The following KTN1 variants were observed in gnomAD, a reference collection of about 807,000 sequenced individuals.
The protein encoded by KTN1 is kinectin.
Under a neutral mutation model 222.5 loss-of-function variants are expected in KTN1, and 130 were observed. That is an observed-to-expected ratio of 0.58 (90% CI 0.51 to 0.68). The LOEUF (loss-of-function observed/expected upper bound fraction) is 0.68, where lower values mean the gene tolerates loss of function less well. Among genes scored for constraint, KTN1 ranks in the 30% least tolerant of loss-of-function variants. The pLI, the probability that KTN1 is intolerant of heterozygous loss-of-function variation, is 0.00. For synonymous variants in KTN1, 512 were observed against 496.3 expected (o/e 1.03, Z -0.42); for missense variants, 1,508 against 1,500.4 (o/e 1.01, Z -0.08).
chr14:55,647,548 A>G (rs11158046), intron 19 of KTN1, among the ~76,000 whole-genome samples: 147,770 of 149,128 alleles, frequency 0.99, 73,227 homozygotes, highest in Non-Finnish European at 1. Context: ...CAGGAGAATC[A>G]CTTGAACCTG....
chr14:55,629,882 C>G, intron 6 of KTN1, 75 bp from the exon 7 acceptor site: 1 of 924,026 alleles, frequency 1.1e-6, no homozygotes, highest in Admixed American at 2.2e-5. Flanking sequence ...TAAATAACAT[C>G]ATTGTTTATC....
intron 2 of KTN1, among the ~76,000 whole-genome samples, chr14:55,615,202 G>A (rs1163612280): frequency 6.6e-6 from 1 of 152,190 alleles, no homozygotes; most frequent in Non-Finnish European, 1.5e-5. Flanking sequence ...ATTACAGCAT[G>A]AAATTTACTA....
intron 5 of KTN1, among the ~76,000 whole-genome samples, chr14:55,620,416 C>T (rs556836242): frequency 6.6e-6 from 1 of 152,320 alleles, no homozygotes; most frequent in South Asian, 2.1e-4. Flanking sequence ...GTTTCAACCT[C>T]ACATTTCCCT....
chr14:55,625,327 A>T (rs2039673622), intron 5 of KTN1, among the ~76,000 whole-genome samples: 1 of 152,164 alleles, frequency 6.6e-6, no homozygotes. Context: ...TTAATTATTA[A>T]TTTTTTATCA....
At chr14:55,628,149 T>G (rs2040082800) in intron 6 of KTN1, 121 bp downstream of exon 6, 19 of 640,002 alleles carry the variant, frequency 3.0e-5, no homozygotes, top group Middle Eastern at 3.4e-4. Flanking sequence ...AAAGTAACTT[T>G]CCTTTAGAGT....
At chr14:55,639,535 T>C (rs2041544468) in intron 13 of KTN1, among the ~76,000 whole-genome samples, 1 of 151,712 alleles carries the variant, frequency 6.6e-6, no homozygotes, top group Non-Finnish European at 1.5e-5. Flanking sequence ...AAATTAGTTT[T>C]TGTGTCTTAT....
At chr14:55,603,907 C>T (rs1594786261) in intron 1 of KTN1, among the ~76,000 whole-genome samples, 1 of 152,174 alleles carries the variant, frequency 6.6e-6, no homozygotes, top group Non-Finnish European at 1.5e-5. Context: ...CTCTCGTACC[C>T]CACATCCAGT....
In KTN1 at chr14:55,612,265, C is replaced by T; in HGVS notation, c.217C>T (p.His73Tyr). The change falls in exon 2 of 44, where the codon CAT (histidine) becomes TAT (tyrosine). Residue 73 changes from histidine to tyrosine, a missense_variant. Coordinates refer to ENST00000395314, the MANE Select transcript of KTN1 (RefSeq NM_001079521.2). ...KKKEIQNGNL[H>Y]ESDSESVPRD... ...GAAAGAAATCCAGAATGGAAACCTC[C>T]ATGAATCCGACTCTGAGAGTGTACC... 1.3e-6 allele frequency: 2 copies of T among 1,598,238 alleles called. No individual in the cohort carries two copies. The highest frequency in any genetic ancestry group is 1.7e-6 in the Non-Finnish European group (2 of 1,176,242).
intron 20 of KTN1, 77 bp from the exon 21 acceptor site, chr14:55,648,725 A>C: frequency 1.1e-6 from 1 of 943,834 alleles, no homozygotes; most frequent in African/African-American, 1.6e-5. Context: ...TAAAGAAATG[A>C]GAAACTAATG....
In KTN1 at chr14:55,650,179, C is replaced by T. The variant is rs759527526; in HGVS notation, c.2406-149C>T. ...TCTGTTAGGAGGAGCTTTATGTTCA[C>T]CCTGGCCATTCTACAAAGACATGTT... On this transcript the variant is annotated intron_variant, in intron 22 of 43. Transcript: ENST00000395314. 1.5e-5 allele frequency: 10 copies of T among 650,366 alleles called. No homozygotes were observed. The Admixed American group carries it at 1.7e-4, about 11-fold the overall frequency. 40.3% of individuals were successfully genotyped at this position (650,366 alleles called of 1,614,324 possible). A position where few individuals can be genotyped will look rare whatever the true frequency, so the allele number is the denominator to read the frequency against.
intron 1 of KTN1, among the ~76,000 whole-genome samples, chr14:55,608,646 CAG>C (rs1397065352): frequency 7.0e-6 from 1 of 142,694 alleles, no homozygotes; most frequent in East Asian, 2.1e-4. Flanking sequence ...TTTTTTGAGA[CAG>C]AGTCTCGCCC....
intron 18 of KTN1, chr14:55,644,375 C>T (rs1303272112): frequency 4.3e-6 from 3 of 701,972 alleles, no homozygotes; most frequent in Non-Finnish European, 7.8e-6. Flanking sequence ...CGTATAAAAG[C>T]AGAAACCAAT....
rs368596645 is a variant in KTN1, at chr14:55,598,528, A to G, written c.-30-13491A>G. Among the ~76,000 whole-genome samples, 5 of 151,130 alleles carry G rather than the reference A, an allele frequency of 3.3e-5. No individual in the cohort carries two copies. In the East Asian group the frequency reaches 5.8e-4, roughly 18 times the overall value. On this transcript the variant is annotated intron_variant, in intron 1 of 43. Transcript: ENST00000395314. ...ATTAAAAAAAAAAATTACATTCTGGATTAGTAAATTTCATATAAAGTCTGA... is the reference window on the plus strand; with the variant it reads ...ATTAAAAAAAAAAATTACATTCTGGGTTAGTAAATTTCATATAAAGTCTGA...
At chr14:55,624,505 T>TTAA (rs566183989) in intron 5 of KTN1, among the ~76,000 whole-genome samples, 8 of 152,342 alleles carry the variant, frequency 5.3e-5, no homozygotes, top group Admixed American at 3.3e-4. Context: ...AGGCATCCCT[T>TTAA]GTGCCATTTA....
chr14:55,647,633 C>CAAA (rs35742930), intron 19 of KTN1, among the ~76,000 whole-genome samples: 25 of 33,012 alleles, frequency 7.6e-4, no homozygotes, highest in African/African-American at 2.9e-3. Context: ...AACTCTGCCT[C>CAAA]AAAAAAAAAA....
intron 2 of KTN1, among the ~76,000 whole-genome samples, chr14:55,615,696 T>C (rs565055056): frequency 6.6e-6 from 1 of 152,280 alleles, no homozygotes; most frequent in Admixed American, 6.5e-5. Flanking sequence ...GAGGAATGAT[T>C]GGTAGAAAAG....
In KTN1 at chr14:55,613,749, G is replaced by A. The variant is rs1209053660; in HGVS notation, c.523+1178G>A. The stretch of plus-strand genomic sequence containing the variant: ...CTCACAAAGTGCTGAAATTACAGGC[G>A]TGAGCCACCACGCTTGACCCGGTTG... On this transcript the variant is annotated intron_variant, in intron 2 of 43. Transcript: ENST00000395314. 3.9e-5 allele frequency among the ~76,000 whole-genome samples: 6 copies of A among 152,062 alleles called. No individual in the cohort carries two copies. In the South Asian group the frequency reaches 1.0e-3, roughly 26 times the overall value.
intron 18 of KTN1, among the ~76,000 whole-genome samples, chr14:55,646,366 C>G (rs1216381647): frequency 6.6e-6 from 1 of 151,300 alleles, no homozygotes; most frequent in African/African-American, 2.4e-5. Context: ...GAAAAAAAAT[C>G]AATTAAAAGA....
chr14:55,666,722 G>T (rs546510332), intron 33 of KTN1, among the ~76,000 whole-genome samples: 1 of 151,796 alleles, frequency 6.6e-6, no homozygotes, highest in East Asian at 1.9e-4. Context: ...GATTTTGATG[G>T]TCCTCCTTGT....
Sources: allele counts gnomAD v4.1 joint callset (sites outside exome capture counted in the v4.1 genomes callset), GRCh38; gene constraint gnomAD v4.1.1; transcripts MANE v1.5; gene names NCBI Gene and HGNC (gene_info 2026-07-23, HGNC 2026-07-21).